DCUN1D3: variants seen among roughly 807,000 people sequenced by gnomAD.
DCUN1D3 encodes the protein defective in cullin neddylation 1 domain containing 3, also known as DCN1-like protein 3.
DCUN1D3 carries 6 observed loss-of-function variants against 24.8 expected under a neutral mutation model. The observed-to-expected ratio is 0.24, with a 90% CI of 0.13 to 0.48. The LOEUF (loss-of-function observed/expected upper bound fraction) is 0.48. Among genes scored for constraint, DCUN1D3 ranks in the 20% least tolerant of loss-of-function variants. DCUN1D3 has a pLI of 0.99. For missense variants in DCUN1D3, 258 were observed against 379.4 expected (o/e 0.68, Z 2.66); for synonymous variants, 120 against 144.9 (o/e 0.83, Z 1.24).
At chr16:20,872,145 C>T (rs2081791533) in intron 1 of DCUN1D3, among the ~76,000 whole-genome samples, 1 of 152,186 alleles carries the variant, frequency 6.6e-6, no homozygotes, top group Non-Finnish European at 1.5e-5. Context: ...GCTGATTAGT[C>T]CTCAAAACAC....
chr16:20,873,616 T>C (rs929178192), intron 1 of DCUN1D3, among the ~76,000 whole-genome samples: 2 of 152,204 alleles, frequency 1.3e-5, no homozygotes, highest in African/African-American at 4.8e-5. Flanking sequence ...GATTACCCAA[T>C]TTTCACCAGC....
intron 1 of DCUN1D3, among the ~76,000 whole-genome samples, chr16:20,875,210 GCACACACACACACA>G (rs3222584): frequency 2.3e-4 from 32 of 140,342 alleles, no homozygotes; most frequent in South Asian, 7.1e-4. Flanking sequence ...GTGCGCTCAT[GCACACACACACACA>G]CACACACACA....
In DCUN1D3 at chr16:20,860,730, T is replaced by C. The variant is rs546625565; in HGVS notation, c.432-361A>G. 1.3e-5 allele frequency among the ~76,000 whole-genome samples: 2 copies of C among 152,324 alleles called. No homozygotes were observed. Among genetic ancestry groups the C allele is most frequent in the African/African-American group, 4.8e-5 (2 of 41,562 alleles). ...CGATTAAGCTGCGGATTCTTTCTCC[T>C]TCCAGAGGAGGAGGCTTCCTGTTTC... On this transcript the variant is annotated intron_variant, in intron 2 of 2. Coordinates refer to ENST00000324344, the MANE Select transcript of DCUN1D3 (RefSeq NM_173475.4). This position sits in a 1 kb window ranked among gnomAD's most constrained non-coding sequence, Gnocchi z 4.3.
chr16:20,888,118 A>G (rs972604893), intron 1 of DCUN1D3, among the ~76,000 whole-genome samples: 2 of 152,168 alleles, frequency 1.3e-5, no homozygotes, highest in Non-Finnish European at 2.9e-5. Context: ...CCATAAACTG[A>G]CTATAAGAGG....
Position 20,859,622 on chromosome 16 carries a change from G to T in DCUN1D3, c.*264C>A. On this transcript the variant is annotated 3_prime_UTR_variant, in exon 3 of 3. Transcript: ENST00000324344. Reference sequence around the variant, plus strand: ...AAATGGCAGGCTTATTCTATCTGAAGGCTTCAAAAAAAGATACACAACATG... The same window carrying T: ...AAATGGCAGGCTTATTCTATCTGAATGCTTCAAAAAAAGATACACAACATG... The T allele has an allele frequency of 3.4e-6, 1 of 294,214 alleles. No homozygotes were observed. 18.2% of individuals were successfully genotyped at this position (294,214 alleles called of 1,614,324 possible). A position where few individuals can be genotyped will look rare whatever the true frequency, so the allele number is the denominator to read the frequency against.
In DCUN1D3 at chr16:20,859,914, T is replaced by G. The variant is rs1022048304; in HGVS notation, c.887A>C (p.Glu296Ala). 3.7e-6 allele frequency: 6 copies of G among 1,613,408 alleles called. No homozygotes were observed. In the African/African-American group the frequency reaches 8.0e-5, roughly 22 times the overall value. ...EGRGALSSGP[E>A]GLCPEEQT is the part of the protein sequence containing the mutation. ...AGTCTGCTCCTCGGGACACAAGCCC[T>G]CAGGCCCTGAGCTGAGTGCACCTCT... Residue 296 changes from glutamate (E) to alanine (A), a missense_variant, in exon 3 of 3, where the codon GAG (glutamate) becomes GCG (alanine). Transcript: ENST00000324344.
intron 1 of DCUN1D3, among the ~76,000 whole-genome samples, chr16:20,885,617 C>A (rs1019003790): frequency 6.6e-6 from 1 of 151,964 alleles, no homozygotes; most frequent in African/African-American, 2.4e-5. Flanking sequence ...ACAGAGATTT[C>A]CATTTTATTC....
chr16:20,876,917 C>G (rs181429899), intron 1 of DCUN1D3, among the ~76,000 whole-genome samples: 1 of 152,134 alleles, frequency 6.6e-6, no homozygotes, highest in East Asian at 1.9e-4. Flanking sequence ...AAGAGAGAGA[C>G]AGTTATCTTC....
intron 1 of DCUN1D3, among the ~76,000 whole-genome samples, chr16:20,898,982 A>G (rs748305973): frequency 1.2e-4 from 18 of 152,180 alleles, no homozygotes; most frequent in Non-Finnish European, 1.3e-4. Flanking sequence ...ATTGGTTTGT[A>G]TTCGCCCTTA....
Position 20,859,967 on chromosome 16 carries a change from C to T in DCUN1D3, c.834G>A (p.Met278Ile). ...CTTCCCCTTCTCTTTTCCTTCGCTCCATTTCCCACTCCACAAAGGTGTCAA... is the reference window on the plus strand; with the variant it reads ...CTTCCCCTTCTCTTTTCCTTCGCTCTATTTCCCACTCCACAAAGGTGTCAA... ...SLFDTFVEWE[M>I]ERRKREGEGR... Residue 278 changes from methionine (M) to isoleucine (I), a missense_variant, in exon 3 of 3, where the codon ATG (methionine) becomes ATA (isoleucine). Physicochemically the swap from Met to Ile is conservative, Grantham distance 10. Coordinates refer to ENST00000324344, the MANE Select transcript of DCUN1D3 (RefSeq NM_173475.4). 2 of 1,614,218 alleles carry T rather than the reference C, an allele frequency of 1.2e-6. No individual in the cohort carries two copies. Among genetic ancestry groups the T allele is most frequent in the Non-Finnish European group, 1.7e-6 (2 of 1,180,050 alleles).
chr16:20,889,085 G>A (rs771866716), intron 1 of DCUN1D3, among the ~76,000 whole-genome samples: 12 of 151,714 alleles, frequency 7.9e-5, no homozygotes, highest in South Asian at 6.3e-4. Flanking sequence ...AAAATTAGCC[G>A]GGCGTGGTGG....
At chr16:20,895,763 A>T (rs545776379) in intron 1 of DCUN1D3, among the ~76,000 whole-genome samples, 3 of 152,236 alleles carry the variant, frequency 2.0e-5, no homozygotes, top group Non-Finnish European at 4.4e-5. Flanking sequence ...CACTAACTCA[A>T]TTAACCCTGG....
intron 1 of DCUN1D3, chr16:20,896,176 C>T (rs1037427406): frequency 6.6e-6 from 1 of 152,116 alleles, no homozygotes; most frequent in Non-Finnish European, 1.5e-5. Flanking sequence ...CATTTTTTTA[C>T]TAACAATATT....
chr16:20,860,465 G>T lies in DCUN1D3; in HGVS notation c.432-96C>A. The T allele has an allele frequency of 7.5e-7, 1 of 1,341,930 alleles. No homozygotes were observed. The highest frequency in any genetic ancestry group is 1.0e-6 in the Non-Finnish European group (1 of 1,002,164). 83.1% of individuals were successfully genotyped at this position (1,341,930 alleles called of 1,614,324 possible). ...TAAGAGCAAGGCTTTCAGGCCAGAT[G>T]GTCTGAATTTGAATTCTAACTCCTC... On this transcript the variant is annotated intron_variant, in intron 2 of 2. Transcript: ENST00000324344. This position sits in a 1 kb window ranked among gnomAD's most constrained non-coding sequence, Gnocchi z 4.3.
chr16:20,876,283 A>G (rs959588031), intron 1 of DCUN1D3, among the ~76,000 whole-genome samples: 6 of 152,196 alleles, frequency 3.9e-5, no homozygotes, highest in Non-Finnish European at 7.3e-5. Context: ...TGATTTTTAA[A>G]TGGGCAAAAG....
At chr16:20,877,264 A>C (rs2152517562) in intron 1 of DCUN1D3, among the ~76,000 whole-genome samples, 1 of 152,278 alleles carries the variant, frequency 6.6e-6, no homozygotes, top group South Asian at 2.1e-4. Context: ...GCGATGAAAA[A>C]AAAAAGGTCA....
At chr16:20,869,830 GAGA>G (rs199579787) in intron 1 of DCUN1D3, among the ~76,000 whole-genome samples, 1,883 of 152,214 alleles carry the variant, frequency 0.012, 45 homozygotes, top group African/African-American at 0.043. Flanking sequence ...GCCAATGGAG[GAGA>G]AGGATTCAAA....
At chr16:20,878,320 C>T (rs1259578566) in intron 1 of DCUN1D3, among the ~76,000 whole-genome samples, 1 of 152,166 alleles carries the variant, frequency 6.6e-6, no homozygotes, top group Non-Finnish European at 1.5e-5. Context: ...ACAGCAAAAG[C>T]CAGAATATGA....
chr16:20,875,249 C>G lies in DCUN1D3; in HGVS notation c.-105-12606G>C, dbSNP rs574610636. 4.8e-5 allele frequency among the ~76,000 whole-genome samples: 7 copies of G among 145,914 alleles called. No homozygotes were observed. In the South Asian group the frequency reaches 1.3e-3, roughly 28 times the overall value. On this transcript the variant is annotated intron_variant, in intron 1 of 2. Transcript: ENST00000324344. ...ACACACACACACACACACACACACA[C>G]ACACACAAATGTTGCATCCAACAAT...
Sources: allele counts gnomAD v4.1 joint callset (sites outside exome capture counted in the v4.1 genomes callset), GRCh38; gene constraint gnomAD v4.1.1; non-coding constraint Gnocchi (gnomAD v3.1); transcripts MANE v1.5; gene names NCBI Gene and HGNC (gene_info 2026-07-23, HGNC 2026-07-21).